CFAP61: variants seen among roughly 807,000 people sequenced by gnomAD.
CFAP61 encodes cilia and flagella associated protein 61.
Under a neutral mutation model 135.6 loss-of-function variants are expected in CFAP61, and 107 were observed. The ratio of observed to expected loss-of-function variants is 0.79; its 90% CI spans 0.67 to 0.93. The LOEUF is 0.93. Ranked by LOEUF, CFAP61 falls within the 40% of genes least tolerant of loss-of-function variation. CFAP61 has a pLI of 0.00. For synonymous variants in CFAP61, 575 were observed against 578.5 expected (o/e 0.99, Z 0.09); for missense variants, 1,507 against 1,556.2 (o/e 0.97, Z 0.53).
rs142255939 is a variant in CFAP61 at position 20,169,458 on chromosome 20, C to G, written c.1383C>G (p.Leu461=). 10 of 1,610,456 alleles carry G rather than the reference C, an allele frequency of 6.2e-6. No homozygotes were observed. Among genetic ancestry groups the G allele is most frequent in the Non-Finnish European group, 8.5e-6 (10 of 1,178,008 alleles). The change falls in exon 13 of 27, where the codon CTC becomes CTG. Residue 461 remains leucine, a splice_region_variant and synonymous_variant. Coordinates refer to ENST00000245957, the MANE Select transcript of CFAP61 (RefSeq NM_015585.4). ...DLYVFHRAGL[L]KSINIRFATL... ...ACGTCTTCCACCGGGCTGGATTGCT[C>G]AAGTGAGTAGACACATGTTTGGCCA...
intron 2 of CFAP61, among the ~76,000 whole-genome samples, chr20:20,059,572 C>T (rs1198351926): frequency 6.6e-6 from 1 of 151,664 alleles, no homozygotes; most frequent in East Asian, 1.9e-4. Context: ...GAGCCGAGAT[C>T]GCACCACTGC....
chr20:20,240,308 A>G (rs950748718), intron 18 of CFAP61, among the ~76,000 whole-genome samples: 6 of 152,154 alleles, frequency 3.9e-5, no homozygotes, highest in African/African-American at 1.2e-4. Flanking sequence ...GAAATGGACA[A>G]AGGAGGAGGA....
At chr20:20,291,547 A>T (rs1430221757) in intron 24 of CFAP61, among the ~76,000 whole-genome samples, 1 of 152,100 alleles carries the variant, frequency 6.6e-6, no homozygotes, top group Non-Finnish European at 1.5e-5. Context: ...GTATCGGTTT[A>T]TTTATCCATT....
chr20:20,287,797 C>G (rs2054701249), intron 22 of CFAP61, among the ~76,000 whole-genome samples: 2 of 152,190 alleles, frequency 1.3e-5, no homozygotes, highest in Non-Finnish European at 2.9e-5. Flanking sequence ...GGTCCAACAA[C>G]TAAAGACAAA....
chr20:20,170,104 G>C (rs183405101), intron 13 of CFAP61, among the ~76,000 whole-genome samples: 19 of 152,274 alleles, frequency 1.2e-4, no homozygotes, highest in African/African-American at 4.3e-4. Context: ...AACCAGTCCT[G>C]GGCATGTGGT....
At chr20:20,090,639 G>T (rs1259549710) in intron 6 of CFAP61, among the ~76,000 whole-genome samples, 2 of 147,572 alleles carry the variant, frequency 1.4e-5, no homozygotes, top group Admixed American at 6.9e-5. Context: ...GCAATGAGCC[G>T]AGATCACGCC....
At chr20:20,357,054 C>G (rs1159581359) in intron 26 of CFAP61, among the ~76,000 whole-genome samples, 1 of 54,040 alleles carries the variant, frequency 1.9e-5, no homozygotes, top group Non-Finnish European at 4.1e-5. Context: ...GGTGGTCACA[C>G]TGAGGGGAAG....
intron 17 of CFAP61, among the ~76,000 whole-genome samples, chr20:20,206,684 C>T (rs1248140238): frequency 6.6e-6 from 1 of 151,406 alleles, no homozygotes; most frequent in Non-Finnish European, 1.5e-5. Context: ...GAGTTATTTC[C>T]ACTATTTGGC....
chr20:20,179,459 A>G (rs2054885577), intron 13 of CFAP61, among the ~76,000 whole-genome samples: 1 of 152,208 alleles, frequency 6.6e-6, no homozygotes, highest in Admixed American at 6.5e-5. Flanking sequence ...ATACTGCCCA[A>G]AGCAATTTAT....
chr20:20,067,668 ATATATT>A lies in CFAP61; in HGVS notation c.144-3179_144-3174del, dbSNP rs1600401555. Among the ~76,000 whole-genome samples the A allele has an allele frequency of 7.7e-5, 11 of 141,952 alleles. No individual in the cohort carries two copies. The East Asian group carries it at 1.4e-3, about 19-fold the overall frequency. The allele number at this position is 141,952 out of a possible 152,430, so 93.1% of individuals were successfully genotyped here. On this transcript the variant is annotated intron_variant, in intron 2 of 26. Coordinates refer to ENST00000245957, the MANE Select transcript of CFAP61 (RefSeq NM_015585.4). ...AAATATATATATATATATATAATATATATATTTATATTATATATAATTTTTTTATAT... is the reference window on the plus strand; with the variant it reads ...AAATATATATATATATATATAATATATATATTATATATAATTTTTTTATAT...
chr20:20,301,532 G>A (rs2056101277), intron 25 of CFAP61, among the ~76,000 whole-genome samples: 1 of 152,160 alleles, frequency 6.6e-6, no homozygotes, highest in Admixed American at 6.5e-5. Context: ...GACCTGCCAA[G>A]CCTTGGTACT....
At chr20:20,190,299 A>T (rs2055830021) in intron 14 of CFAP61, among the ~76,000 whole-genome samples, 1 of 152,238 alleles carries the variant, frequency 6.6e-6, no homozygotes, top group African/African-American at 2.4e-5. Context: ...CTCTTGATAC[A>T]TGCCTTGGCT....
chr20:20,360,162 G>A lies in CFAP61; in HGVS notation c.3514-48G>A, dbSNP rs749207802. On this transcript the variant is annotated intron_variant, in intron 26 of 26. Coordinates refer to ENST00000245957, the MANE Select transcript of CFAP61 (RefSeq NM_015585.4). ...CTCATGAAACTGCCGTTACAACTGT[G>A]CAGGGTCCAATTAATTTCTGTATCT... 1.5e-5 allele frequency: 21 copies of A among 1,386,728 alleles called. 1 individual carries two copies. In the South Asian group the frequency reaches 2.4e-4, roughly 16 times the overall value. 85.9% of individuals were successfully genotyped at this position (1,386,728 alleles called of 1,614,324 possible).
chr20:20,340,991 C>G (rs932349572), intron 25 of CFAP61, among the ~76,000 whole-genome samples: 1 of 152,056 alleles, frequency 6.6e-6, no homozygotes, highest in African/African-American at 2.4e-5. Flanking sequence ...CTAACTTTTA[C>G]GTCTTGGAAA....
chr20:20,228,193 A>T, intron 17 of CFAP61, 56 bp from the exon 18 acceptor site: 1 of 1,548,466 alleles, frequency 6.5e-7, no homozygotes. Flanking sequence ...ATTTGAGGGT[A>T]TGAACACTGC....
chr20:20,060,827 C>T (rs1386830269), intron 2 of CFAP61, among the ~76,000 whole-genome samples: 1 of 152,236 alleles, frequency 6.6e-6, no homozygotes, highest in Non-Finnish European at 1.5e-5. Context: ...GATGAAAGCT[C>T]CAGTCACATG....
In CFAP61 at chr20:20,142,556, C is replaced by G. The variant is rs567081864; in HGVS notation, c.860-301C>G. On this transcript the variant is annotated intron_variant, in intron 8 of 26. Transcript: ENST00000245957. ...CAGAGGTTGAGGGCCTCCTGTGGCC[C>G]AGGCCTGGGCCAGGTCCGTTGCCCA... Among the ~76,000 whole-genome samples the G allele has an allele frequency of 4.6e-5, 7 of 152,318 alleles. No individual in the cohort carries two copies. In the South Asian group the frequency reaches 1.4e-3, roughly 32 times the overall value.
At chr20:20,116,347 A>G (rs1317992889) in intron 8 of CFAP61, among the ~76,000 whole-genome samples, 1 of 152,152 alleles carries the variant, frequency 6.6e-6, no homozygotes, top group East Asian at 1.9e-4. Flanking sequence ...TCAGATGGGT[A>G]GTTAGCAAAT....
chr20:20,236,130 G>A (rs2049571714), intron 18 of CFAP61, among the ~76,000 whole-genome samples: 1 of 152,282 alleles, frequency 6.6e-6, no homozygotes, highest in East Asian at 1.9e-4. Flanking sequence ...TTAAGTAACT[G>A]TTTCTATAAG....
Sources: allele counts gnomAD v4.1 joint callset (sites outside exome capture counted in the v4.1 genomes callset), GRCh38; gene constraint gnomAD v4.1.1; transcripts MANE v1.5; gene names NCBI Gene and HGNC (gene_info 2026-07-23, HGNC 2026-07-21).